The following PLCH2 variants were observed in gnomAD, a reference collection of about 807,000 sequenced individuals.
PLCH2 encodes the protein phospholipase C eta 2.
A neutral mutation model predicts 134.7 loss-of-function variants in PLCH2; 98 were observed. The ratio of observed to expected loss-of-function variants is 0.73; its 90% CI spans 0.62 to 0.86. The LOEUF is 0.86. Among genes scored for constraint, PLCH2 ranks in the 40% least tolerant of loss-of-function variants. The pLI, the probability that PLCH2 is intolerant of heterozygous loss-of-function variation, is 0.00. For synonymous variants in PLCH2, 974 were observed against 827.5 expected, an observed-to-expected ratio of 1.18 and a Z score of -3.04; for missense variants, 1,994 against 1,986.6, an observed-to-expected ratio of 1.00 and a Z score of -0.07.
chr1:2,471,785 G>A (rs975662127), upstream of PLCH2, among the ~76,000 whole-genome samples: 3 of 152,130 alleles, frequency 2.0e-5, no homozygotes, highest in Non-Finnish European at 2.9e-5. Flanking sequence ...CTGTGCACAC[G>A]GACCAGGAGC....
intron 19 of PLCH2, 133 bp downstream of exon 19, chr1:2,499,363 C>T (rs564855557): frequency 1.8e-4 from 205 of 1,156,176 alleles, no homozygotes; most frequent in Non-Finnish European, 2.1e-4. Context: ...GAGCTGAGGA[C>T]GGGAGGAGAG....
chr1:2,487,413 C>T (rs762049193), intron 7 of PLCH2, 37 bp downstream of exon 7: 2 of 1,577,362 alleles, frequency 1.3e-6, no homozygotes, highest in Non-Finnish European at 8.7e-7. Context: ...CGTGGGCTGG[C>T]ATCTGCTGTG....
chr1:2,420,366 G>C, the PLCH2 span, among the ~76,000 whole-genome samples: 1 of 152,134 alleles, frequency 6.6e-6, no homozygotes, highest in Non-Finnish European at 1.5e-5. Flanking sequence ...CACCTCCTTC[G>C]AGAGGTGGGT....
rs954130415 is a variant in PLCH2, at chr1:2,505,416, C to A, written c.*203C>A. On this transcript the variant is annotated 3_prime_UTR_variant, in exon 22 of 22. Coordinates refer to ENST00000378486, the MANE Select transcript of PLCH2 (RefSeq NM_014638.4). ...GGCCCGGGGCCCACAGGAGGGGCTT[C>A]GAGGCTGGCCCTGCCAGGCAGTTTT... is the stretch of plus-strand genomic sequence containing the variant. 7 of 564,662 alleles carry A rather than the reference C, an allele frequency of 1.2e-5. No homozygotes were observed. Among genetic ancestry groups the A allele is most frequent in the Non-Finnish European group, 2.2e-5 (7 of 322,272 alleles). The allele number at this position is 564,662 out of a possible 1,614,324, so 35.0% of individuals were successfully genotyped here.
Position 2,479,888 on chromosome 1 carries a change from G to A in PLCH2, c.426G>A (p.Val142=). The A allele has an allele frequency of 6.2e-7, 1 of 1,611,928 alleles. No individual in the cohort carries two copies. Among genetic ancestry groups the A allele is most frequent in the Non-Finnish European group, 8.5e-7 (1 of 1,179,588 alleles). ...ACCTGGTCTCCACCAGCAGCGAGGT[G>A]GCGCGCACCTGGGTCACTGGCCTGC... ...SLDLVSTSSE[V]ARTWVTGLRY... Residue 142 remains valine, a synonymous_variant, in exon 3 of 22, where the codon GTG becomes GTA. Transcript: ENST00000378486.
In PLCH2 at chr1:2,478,470, G is replaced by T. The variant is rs779827329; in HGVS notation, c.125-6G>T. 3.1e-6 allele frequency: 5 copies of T among 1,612,494 alleles called. No homozygotes were observed. The highest frequency in any genetic ancestry group is 4.2e-6 in the Non-Finnish European group (5 of 1,179,740). On this transcript the variant is annotated splice_polypyrimidine_tract_variant and splice_region_variant and intron_variant, in intron 1 of 21. Transcript: ENST00000378486. The stretch of plus-strand genomic sequence containing the variant: ...CCGCTGACAGCCGTGTCTCTCCCGT[G>T]TCCAGTGGAGCGGTGCATGGGTGCC...
Position 2,498,654 on chromosome 1 carries a change from G to T in PLCH2, c.2349+7G>T. 1 of 997,410 alleles carries T rather than the reference G, an allele frequency of 1.0e-6. No individual in the cohort carries two copies. The highest frequency in any genetic ancestry group is 1.4e-6 in the Non-Finnish European group (1 of 706,134). The allele number at this position is 997,410 out of a possible 1,614,324, so 61.8% of individuals were successfully genotyped here. On this transcript the variant is annotated splice_region_variant and intron_variant, in intron 17 of 21. Transcript: ENST00000378486. The surrounding 1 kb of genome is among the most constrained non-coding windows in gnomAD (Gnocchi z 5.4). ...GCTGGGGGACCGTGGGGAGGTGGGGGCCAGCCCCACACAGGCGGGAGGGGT... is the reference window on the plus strand; with the variant it reads ...GCTGGGGGACCGTGGGGAGGTGGGGTCCAGCCCCACACAGGCGGGAGGGGT...
In PLCH2 at chr1:2,498,253, A is replaced by C; in HGVS notation, c.2225-270A>C. The C allele has an allele frequency of 6.9e-6, 3 of 432,446 alleles. No individual in the cohort carries two copies. The highest frequency in any genetic ancestry group is 1.3e-5 in the Non-Finnish European group (3 of 239,730). 26.8% of individuals were successfully genotyped at this position (432,446 alleles called of 1,614,324 possible). A position where few individuals can be genotyped will look rare whatever the true frequency, so the allele number is the denominator to read the frequency against. ...ACCCCTCATACCCCCAGGGACCCAGACCCACCCCCAGAAGCCATGTGACCT... is the reference window on the plus strand; with the variant it reads ...ACCCCTCATACCCCCAGGGACCCAGCCCCACCCCCAGAAGCCATGTGACCT... On this transcript the variant is annotated intron_variant, in intron 16 of 21. Transcript: ENST00000378486. This position sits in a 1 kb window ranked among gnomAD's most constrained non-coding sequence, Gnocchi z 5.4.
chr1:2,504,115 C>T lies in PLCH2; in HGVS notation c.3153C>T (p.Pro1051=). 6.6e-7 allele frequency: 1 copy of T among 1,525,276 alleles called. No homozygotes were observed. The highest frequency in any genetic ancestry group is 8.8e-7 in the Non-Finnish European group (1 of 1,136,654). 94.5% of individuals were successfully genotyped at this position (1,525,276 alleles called of 1,614,324 possible). A position where few individuals can be genotyped will look rare whatever the true frequency, so the allele number is the denominator to read the frequency against. The change falls in exon 22 of 22, where the codon CCC becomes CCT. Residue 1051 remains proline, a synonymous_variant. Transcript: ENST00000378486. ...GCCCCCTAGAGGACACTGAGGAGCCCCGAGACAGCAGGCCTCGGCCGTGCA... is the reference window on the plus strand; with the variant it reads ...GCCCCCTAGAGGACACTGAGGAGCCTCGAGACAGCAGGCCTCGGCCGTGCA... ...VASPLEDTEE[P]RDSRPRPCNG...
At chr1:2,435,985 T>TC (rs1639314761) in intron 2 of PLCH2, among the ~76,000 whole-genome samples, 1 of 81,996 alleles carries the variant, frequency 1.2e-5, no homozygotes, top group Non-Finnish European at 2.4e-5. Flanking sequence ...CCTCCTCCCT[T>TC]CTCCCCTCCT....
At chr1:2,489,551 C>T (rs2100690511) in intron 9 of PLCH2, among the ~76,000 whole-genome samples, 173 bp downstream of exon 9, 1 of 152,350 alleles carries the variant, frequency 6.6e-6, no homozygotes, top group African/African-American at 2.4e-5. Context: ...CACTCTGGCT[C>T]AGGCCCCTCA....
intron 2 of PLCH2, among the ~76,000 whole-genome samples, chr1:2,431,545 T>C (rs575900997): frequency 4.9e-4 from 75 of 152,158 alleles, no homozygotes; most frequent in African/African-American, 1.7e-3. Flanking sequence ...GGAGACCAGA[T>C]GGGGGAGGGG....
chr1:2,445,302 C>T (rs1431069856), intron 2 of PLCH2, among the ~76,000 whole-genome samples: 1 of 152,098 alleles, frequency 6.6e-6, no homozygotes, highest in African/African-American at 2.4e-5. Flanking sequence ...GAGAGCTGAG[C>T]CTGCAGCCTC....
chr1:2,491,644 C>T (rs754685539), intron 11 of PLCH2, among the ~76,000 whole-genome samples: 7 of 152,350 alleles, frequency 4.6e-5, no homozygotes, highest in South Asian at 2.1e-4. Flanking sequence ...CCACATGGAG[C>T]GAATGGCCCT....
chr1:2,432,951 C>T (rs1639140389), intron 2 of PLCH2, among the ~76,000 whole-genome samples: 1 of 152,162 alleles, frequency 6.6e-6, no homozygotes. Flanking sequence ...GGTGGAAGAA[C>T]CTGGGCACCC....
Position 2,483,492 on chromosome 1 carries a change from C to T in PLCH2, c.646-956C>T, listed in dbSNP as rs1292471458. On this transcript the variant is annotated intron_variant, in intron 4 of 21. Coordinates refer to ENST00000378486, the MANE Select transcript of PLCH2 (RefSeq NM_014638.4). ...GGGCTAGGCACTGCGTCCCTTTGGG[C>T]CTGGTGTTCCTCGTGAGTAGGGGCT... Among the ~76,000 whole-genome samples, 6 of 152,160 alleles carry T rather than the reference C, an allele frequency of 3.9e-5. No individual in the cohort carries two copies. In the East Asian group the frequency reaches 1.2e-3, roughly 29 times the overall value.
intron 2 of PLCH2, among the ~76,000 whole-genome samples, chr1:2,461,952 A>G (rs1640821159): frequency 6.6e-6 from 1 of 151,652 alleles, no homozygotes; most frequent in Non-Finnish European, 1.5e-5. Flanking sequence ...CTTGAGTCCC[A>G]CTTTCTTGGG....
In PLCH2 at chr1:2,476,409, C is replaced by T; in HGVS notation, c.-180C>T. Reference sequence around the variant, plus strand: ...CAGGTGACGGTCAGGCCAATGCCAGCCGGGCCTGGGCACAGCCCTGTGGGG... The same window carrying T: ...CAGGTGACGGTCAGGCCAATGCCAGTCGGGCCTGGGCACAGCCCTGTGGGG... On this transcript the variant is annotated 5_prime_UTR_variant, in exon 1 of 22. Transcript: ENST00000378486. 1.7e-6 allele frequency: 1 copy of T among 580,428 alleles called. No homozygotes were observed. The highest frequency in any genetic ancestry group is 3.1e-5 in the East Asian group (1 of 31,882). 36.0% of individuals were successfully genotyped at this position (580,428 alleles called of 1,614,324 possible). A position where few individuals can be genotyped will look rare whatever the true frequency, so the allele number is the denominator to read the frequency against.
At chr1:2,420,690 C>G in the PLCH2 span, among the ~76,000 whole-genome samples, 208 of 152,298 alleles carry the variant, frequency 1.4e-3, no homozygotes, top group African/African-American at 4.4e-3. Flanking sequence ...CCAGAGACCC[C>G]CATTTTGAAA....
Sources: gnomAD v4.1 joint callset for allele counts (sites outside exome capture counted in the v4.1 genomes callset) on GRCh38, gnomAD v4.1.1 for gene constraint, Gnocchi (gnomAD v3.1) non-coding constraint, MANE v1.5 for transcripts, NCBI Gene and HGNC (gene_info 2026-07-23, HGNC 2026-07-21) for gene names.